Variants in TMEM207 observed in about 807,000 individuals in gnomAD.
TMEM207 encodes transmembrane protein 207.
A neutral mutation model predicts 17.4 loss-of-function variants in TMEM207; 15 were observed. The observed-to-expected ratio is 0.86, with a 90% CI of 0.58 to 1.33. The LOEUF (loss-of-function observed/expected upper bound fraction) is 1.33, where lower values mean the gene tolerates loss of function less well. Ranked by LOEUF, TMEM207 falls within the 40% of genes most tolerant of loss-of-function variation. The pLI, the probability that TMEM207 is intolerant of heterozygous loss-of-function variation, is 0.00. For missense variants in TMEM207, 205 were observed against 173.8 expected, an observed-to-expected ratio of 1.18 and a Z score of -1.01; for synonymous variants, 70 against 65.6, an observed-to-expected ratio of 1.07 and a Z score of -0.33.
In TMEM207 at chr3:190,429,196, ATTG is replaced by A. The variant is rs139878572; in HGVS notation, c.*396_*398del. 0.014 allele frequency: 2,202 copies of A among 156,100 alleles called. 26 individuals carry two copies. The highest frequency in any genetic ancestry group is 0.03 in the Middle Eastern group (9 of 298). The allele number at this position is 156,100 out of a possible 1,614,324, so 9.7% of individuals were successfully genotyped here. On this transcript the variant is annotated 3_prime_UTR_variant, in exon 5 of 5. Transcript: ENST00000354905. ...ACATGTTGGATTCTCGGCTTGGGCT[ATTG>A]TTAAATTATAATAATTTTTATGGAC...
intron 4 of TMEM207, among the ~76,000 whole-genome samples, chr3:190,440,037 A>G (rs1719894585): frequency 6.6e-6 from 1 of 152,214 alleles, no homozygotes; most frequent in Admixed American, 6.5e-5. Context: ...ACTGTGGGTC[A>G]GTTCCCAAGA....
At chr3:190,430,160 A>C (rs1430746106) in intron 4 of TMEM207, among the ~76,000 whole-genome samples, 1 of 152,206 alleles carries the variant, frequency 6.6e-6, no homozygotes, top group Non-Finnish European at 1.5e-5. Flanking sequence ...ACTTCAACTA[A>C]TATAAATAAT....
intron 4 of TMEM207, among the ~76,000 whole-genome samples, chr3:190,439,123 G>GCGGAGATC (rs1328031119): frequency 6.8e-6 from 1 of 146,220 alleles, no homozygotes; most frequent in Non-Finnish European, 1.5e-5. Flanking sequence ...CTTGCAGTGA[G>GCGGAGATC]CGGAGATCGC....
intron 2 of TMEM207, among the ~76,000 whole-genome samples, chr3:190,442,885 A>T (rs1719963973): frequency 6.6e-6 from 1 of 152,224 alleles, no homozygotes. Flanking sequence ...ATTATTTTCT[A>T]CAAGTACAAT....
intron 1 of TMEM207, among the ~76,000 whole-genome samples, chr3:190,448,390 GA>G (rs1292837356): frequency 2.0e-5 from 3 of 152,046 alleles, no homozygotes; most frequent in Non-Finnish European, 4.4e-5. Flanking sequence ...TCAGAGAAGA[GA>G]AAAAAAGTAA....
chr3:190,428,744 C>T lies in TMEM207; in HGVS notation c.*851G>A, dbSNP rs1366793460. ...ATCTGTGATGGATGTTTTTGTCTGT[C>T]CCCCTGCTGATGGCCACTGCCAAAA... On this transcript the variant is annotated 3_prime_UTR_variant, in exon 5 of 5. Coordinates refer to ENST00000354905, the MANE Select transcript of TMEM207 (RefSeq NM_207316.3). The T allele has an allele frequency of 2.0e-5, 3 of 152,256 alleles. No individual in the cohort carries two copies. The highest frequency in any genetic ancestry group is 2.1e-4 in the South Asian group (1 of 4,820). The allele number at this position is 152,256 out of a possible 1,614,324, so 9.4% of individuals were successfully genotyped here. A position where few individuals can be genotyped will look rare whatever the true frequency, so the allele number is the denominator to read the frequency against.
At chr3:190,432,432 A>G (rs780500979) in intron 4 of TMEM207, among the ~76,000 whole-genome samples, 10 of 152,174 alleles carry the variant, frequency 6.6e-5, no homozygotes, top group Non-Finnish European at 1.3e-4. Flanking sequence ...AGTGGTAAGG[A>G]AGAATAAATG....
chr3:190,440,071 G>T (rs560646979), intron 4 of TMEM207, among the ~76,000 whole-genome samples, 173 bp downstream of exon 4: 29 of 152,224 alleles, frequency 1.9e-4, no homozygotes, highest in African/African-American at 7.0e-4. Context: ...TTCTGGGATT[G>T]TCTTTCTTAT....
intron 2 of TMEM207, 137 bp downstream of exon 2, chr3:190,447,653 C>T (rs1390629324): frequency 1.4e-6 from 1 of 726,596 alleles, no homozygotes; most frequent in African/African-American, 1.8e-5. Flanking sequence ...TCTGCATTTA[C>T]AAACCATTTA....
Position 190,447,639 on chromosome 3 carries a change from G to A in TMEM207, c.113+151C>T, listed in dbSNP as rs565554353. 9.1e-4 allele frequency: 531 copies of A among 582,162 alleles called. 1 individual carries two copies. Among genetic ancestry groups the A allele is most frequent in the Non-Finnish European group, 1.3e-3 (469 of 354,896 alleles). The allele number at this position is 582,162 out of a possible 1,614,324, so 36.1% of individuals were successfully genotyped here. ...TCCTGTTTTCAGAAAAAAAAATGGA[G>A]CCATCTGCATTTACAAACCATTTAC... On this transcript the variant is annotated intron_variant, in intron 2 of 4. Coordinates refer to ENST00000354905, the MANE Select transcript of TMEM207 (RefSeq NM_207316.3).
rs1320543923 is a variant in TMEM207 at position 190,440,359 on chromosome 3, A to T, written c.189T>A (p.Ala63=). 3 of 1,612,226 alleles carry T rather than the reference A, an allele frequency of 1.9e-6. No individual in the cohort carries two copies. The African/African-American group carries it at 4.0e-5, about 22-fold the overall frequency. Reference sequence around the variant, plus strand: ...AGAGGACCACAGCTCCACAGAGAAGAGCTGCCACCAAAACCAGCAGCAGGA... The same window carrying T: ...AGAGGACCACAGCTCCACAGAGAAGTGCTGCCACCAAAACCAGCAGCAGGA... The part of the protein sequence containing the change: ...WILLLLVLVA[A]LLCGAVVLCL... Residue 63 remains alanine (A), a synonymous_variant, in exon 4 of 5, where the codon GCT becomes GCA. Coordinates refer to ENST00000354905, the MANE Select transcript of TMEM207 (RefSeq NM_207316.3).
chr3:190,434,630 T>A (rs1719761934), intron 4 of TMEM207, among the ~76,000 whole-genome samples: 2 of 152,098 alleles, frequency 1.3e-5, no homozygotes, highest in Admixed American at 6.5e-5. Flanking sequence ...TGAAAAAAAA[T>A]TACCTCAACA....
chr3:190,444,073 A>G (rs1297825003), intron 2 of TMEM207, among the ~76,000 whole-genome samples: 2 of 152,186 alleles, frequency 1.3e-5, no homozygotes, highest in Non-Finnish European at 2.9e-5. Context: ...ACCTTAGATT[A>G]CACATTTATG....
intron 4 of TMEM207, among the ~76,000 whole-genome samples, chr3:190,438,419 C>A (rs1719851991): frequency 6.6e-6 from 1 of 151,908 alleles, no homozygotes; most frequent in African/African-American, 2.4e-5. Context: ...TTGACCCTTC[C>A]TTCACACTCA....
At chr3:190,444,296 G>A in intron 2 of TMEM207, 1 of 348,880 alleles carries the variant, frequency 2.9e-6, no homozygotes, top group Non-Finnish European at 4.0e-6. Flanking sequence ...GAGCCATTAA[G>A]TAACTTGCGC....
chr3:190,430,273 A>G (rs903368346), intron 4 of TMEM207, among the ~76,000 whole-genome samples: 1 of 152,072 alleles, frequency 6.6e-6, no homozygotes, highest in Non-Finnish European at 1.5e-5. Context: ...AATTTAAAAA[A>G]AAACTTGGAA....
intron 4 of TMEM207, among the ~76,000 whole-genome samples, chr3:190,439,885 G>A (rs1267118052): frequency 3.3e-5 from 5 of 152,160 alleles, no homozygotes; most frequent in Admixed American, 3.3e-4. Flanking sequence ...ATAAATACAA[G>A]TTAAGACAGG....
chr3:190,439,279 A>C (rs1221206569), intron 4 of TMEM207, among the ~76,000 whole-genome samples: 1 of 151,124 alleles, frequency 6.6e-6, no homozygotes, highest in Admixed American at 6.6e-5. Context: ...CTGGAGGTCA[A>C]TATAATCATT....
At chr3:190,439,505 A>G (rs943418265) in intron 4 of TMEM207, among the ~76,000 whole-genome samples, 1 of 152,196 alleles carries the variant, frequency 6.6e-6, no homozygotes, top group Non-Finnish European at 1.5e-5. Flanking sequence ...AAGTCTCACA[A>G]CAGTCCCTGC....
Sources: gnomAD v4.1 joint callset for allele counts (sites outside exome capture counted in the v4.1 genomes callset) on GRCh38, gnomAD v4.1.1 for gene constraint, MANE v1.5 for transcripts, NCBI Gene and HGNC (gene_info 2026-07-23, HGNC 2026-07-21) for gene names.